C2CD4D: variants seen among roughly 807,000 people sequenced by gnomAD.
C2CD4D encodes C2 calcium-dependent domain-containing protein 4D.
Under a neutral mutation model 0.2 loss-of-function variants are expected in C2CD4D, and 1 was observed. The observed-to-expected ratio is 4.00, with a 90% CI of 1.42 to 18.99. The LOEUF (loss-of-function observed/expected upper bound fraction) is 18.99. Among genes scored for constraint, C2CD4D ranks in the 30% most tolerant of loss-of-function variants. The pLI is 0.11. For synonymous variants in C2CD4D, 269 were observed against 279.8 expected (o/e 0.96, Z 0.39); for missense variants, 552 against 551.2 (o/e 1.00, Z -0.01).
At chr1:151,838,073 C>G (rs764150790) in exon 2 of C2CD4D, 6 of 1,551,526 alleles carry the variant, frequency 3.9e-6, no homozygotes, top group Non-Finnish European at 5.2e-6. Context: ...CACCTTGGCT[C>G]TCAGGCTGCG....
exon 2 of C2CD4D, chr1:151,838,868 T>A: frequency 1.3e-6 from 2 of 1,540,194 alleles, no homozygotes; most frequent in Non-Finnish European, 1.8e-6. Context: ...GGTGAGGACG[T>A]TGGGGCAGGC....
chr1:151,838,931 C>T lies in C2CD4D; in HGVS notation c.59G>A (p.Trp20Ter). 6.5e-7 allele frequency: 1 copy of T among 1,549,990 alleles called. No individual in the cohort carries two copies. Among genetic ancestry groups the T allele is most frequent in the Non-Finnish European group, 8.7e-7 (1 of 1,146,588 alleles). Reference sequence around the variant, plus strand: ...CTTGGAGAACAGGCCGGAAGGCGCCCAACGGGCCGCAGGCTCCGCGGCCCC... The same window carrying T: ...CTTGGAGAACAGGCCGGAAGGCGCCTAACGGGCCGCAGGCTCCGCGGCCCC... The change falls in exon 2 of 2, where the codon TGG becomes TAG. Residue 20 changes from tryptophan (W) to a stop codon, truncating the protein, a stop_gained. Coordinates refer to ENST00000454109, the Ensembl canonical transcript of C2CD4D. LOFTEE classifies it low-confidence loss of function (END_TRUNC).
At chr1:151,839,007 G>A (rs1652689987) in exon 2 of C2CD4D, 6 of 1,548,372 alleles carry the variant, frequency 3.9e-6, no homozygotes, top group Non-Finnish European at 5.2e-6. Flanking sequence ...GTGGGGTAAT[G>A]GAATTCCGAA....
chr1:151,838,191 G>C lies in C2CD4D; in HGVS notation c.799C>G (p.Arg267Gly), dbSNP rs754814077. Reference sequence around the variant, plus strand: ...CTCTGCTGCTCCCGCGGCCGGACGCGGGGCCGCAGCCTCAGCACCACACAG... The same window carrying C: ...CTCTGCTGCTCCCGCGGCCGGACGCCGGGCCGCAGCCTCAGCACCACACAG... Residue 267 changes from arginine (R) to glycine (G), a missense_variant, in exon 2 of 2, where the codon CGC becomes GGC. Physicochemically the swap from Arg to Gly is moderately radical, Grantham distance 125. Coordinates refer to ENST00000454109, the Ensembl canonical transcript of C2CD4D. 108 of 1,549,612 alleles carry C rather than the reference G, an allele frequency of 7.0e-5. No homozygotes were observed. The highest frequency in any genetic ancestry group is 8.8e-5 in the Non-Finnish European group (101 of 1,146,324).
chr1:151,838,716 C>G, exon 2 of C2CD4D: 8 of 1,352,706 alleles, frequency 5.9e-6, no homozygotes, highest in Non-Finnish European at 7.6e-6. Flanking sequence ...GGCAGGAAGG[C>G]CCAGCCTTCG....
exon 2 of C2CD4D, chr1:151,838,988 A>C: frequency 6.5e-7 from 1 of 1,550,036 alleles, no homozygotes; most frequent in Non-Finnish European, 8.7e-7. Flanking sequence ...CAAGAGCCAC[A>C]TGCGGTGGGT....
At chr1:151,839,061 T>G in exon 2 of C2CD4D, 2 of 1,497,784 alleles carry the variant, frequency 1.3e-6, no homozygotes, top group Non-Finnish European at 1.8e-6. Flanking sequence ...CAGATGGGAG[T>G]GCTCGGCGGA....
chr1:151,838,988 A>G, exon 2 of C2CD4D: 1 of 1,550,036 alleles, frequency 6.5e-7, no homozygotes, highest in Non-Finnish European at 8.7e-7. Context: ...CAAGAGCCAC[A>G]TGCGGTGGGT....
exon 2 of C2CD4D, chr1:151,838,180 C>T (rs1258895641): frequency 7.7e-6 from 12 of 1,549,668 alleles, no homozygotes; most frequent in Admixed American, 3.9e-5. Context: ...GCTGCTCCCG[C>T]GGCCGGACGC....
chr1:151,838,538 A>G lies in C2CD4D; in HGVS notation c.452T>C (p.Phe151Ser), dbSNP rs928675617. Reference sequence around the variant, plus strand: ...GCCCAGGCCTGGCCGCGGGGAGCCGAAGGGCGACGAGTCCGGCGACGAGGC... The same window carrying G: ...GCCCAGGCCTGGCCGCGGGGAGCCGGAGGGCGACGAGTCCGGCGACGAGGC... The change falls in exon 2 of 2, where the codon TTC (phenylalanine) becomes TCC (serine). Residue 151 changes from phenylalanine to serine, a missense_variant. Phe to Ser is a radical substitution (Grantham distance 155, BLOSUM62 -2). Coordinates refer to ENST00000454109, the Ensembl canonical transcript of C2CD4D. 94 of 1,333,902 alleles carry G rather than the reference A, an allele frequency of 7.0e-5. No individual in the cohort carries two copies. The highest frequency in any genetic ancestry group is 8.6e-5 in the Non-Finnish European group (90 of 1,047,386). 82.6% of individuals were successfully genotyped at this position (1,333,902 alleles called of 1,614,324 possible).
exon 2 of C2CD4D, chr1:151,838,962 T>C (rs746137221): frequency 2.6e-6 from 4 of 1,550,060 alleles, no homozygotes; most frequent in Non-Finnish European, 3.5e-6. Context: ...GCCCCCACCT[T>C]ATAGCCAGCT....
rs779790861 is a variant in C2CD4D at position 151,838,967 on chromosome 1, C to T, written c.23G>A (p.Gly8Asp). The change falls in exon 2 of 2, where the codon GGC becomes GAC. Residue 8 changes from glycine to aspartate, a missense_variant. Physicochemically the swap from Gly to Asp is moderately conservative, Grantham distance 94. Transcript: ENST00000454109. ...AGGCTCCGCGGCCCCCACCTTATAGCCAGCTTTTTCCAAGAGCCACATGCG... is the reference window on the plus strand; with the variant it reads ...AGGCTCCGCGGCCCCCACCTTATAGTCAGCTTTTTCCAAGAGCCACATGCG... 2.6e-6 allele frequency: 4 copies of T among 1,550,270 alleles called. No individual in the cohort carries two copies. In the Admixed American group the frequency reaches 5.9e-5, roughly 23 times the overall value.
intron 1 of C2CD4D, among the ~76,000 whole-genome samples, chr1:151,839,745 G>A (rs1248158675): frequency 1.3e-5 from 2 of 152,124 alleles, no homozygotes; most frequent in East Asian, 3.9e-4. Flanking sequence ...GCACCTCCCG[G>A]GGACACAGAA....
At chr1:151,838,565 G>T in exon 2 of C2CD4D, 1 of 1,317,652 alleles carries the variant, frequency 7.6e-7, no homozygotes, top group Admixed American at 4.1e-5. Flanking sequence ...CGACGAGGCC[G>T]TGTCGCTGTC....
exon 2 of C2CD4D, chr1:151,838,396 G>A: frequency 6.9e-7 from 1 of 1,441,000 alleles, no homozygotes; most frequent in South Asian, 1.4e-5. Flanking sequence ...AGCACAGGAA[G>A]TCCAGGTGGA....
chr1:151,838,944 G>C, exon 2 of C2CD4D: 1 of 1,550,084 alleles, frequency 6.5e-7, no homozygotes, highest in Non-Finnish European at 8.7e-7. Context: ...CGGGCCGCAG[G>C]CTCCGCGGCC....
chr1:151,837,956 G>A (rs1652624028), exon 2 of C2CD4D: 3 of 1,544,202 alleles, frequency 1.9e-6, no homozygotes, highest in East Asian at 4.9e-5. Flanking sequence ...GGGCGCCAGG[G>A]ATGACCCGGG....
exon 1 of C2CD4D, chr1:151,840,362 G>A (rs1220751845): frequency 2.6e-5 from 4 of 152,406 alleles, no homozygotes; most frequent in African/African-American, 9.7e-5. Context: ...CTACAGAGAA[G>A]AGGGAGACGG....
chr1:151,837,893 C>G, exon 2 of C2CD4D: 1 of 1,476,820 alleles, frequency 6.8e-7, no homozygotes, highest in Non-Finnish European at 9.0e-7. Context: ...ACTGCAGACA[C>G]AGTGGAGACG....
Sources: gnomAD v4.1 joint callset for allele counts (sites outside exome capture counted in the v4.1 genomes callset) on GRCh38, gnomAD v4.1.1 for gene constraint, MANE v1.5 for transcripts, NCBI Gene and HGNC (gene_info 2026-07-23, HGNC 2026-07-21) for gene names.